The following NRXN1 variants were observed in gnomAD, a reference collection of about 807,000 sequenced individuals.
NRXN1 encodes neurexin 1, also known as neurexin-1.
NRXN1 carries 39 observed loss-of-function variants against 150.9 expected under a neutral mutation model. That is an observed-to-expected ratio of 0.26 (90% CI 0.20 to 0.34). NRXN1 has a LOEUF of 0.34. Among genes scored for constraint, NRXN1 ranks in the 10% least tolerant of loss-of-function variants. The probability of loss-of-function intolerance (pLI) is 1.00; values close to 1 mark genes in which losing one functional copy is unlikely to be tolerated. For missense variants in NRXN1, 1,815 were observed against 1,949.9 expected (o/e 0.93, Z 1.30); for synonymous variants, 924 against 757.0 (o/e 1.22, Z -3.62).
intron 2 of NRXN1, among the ~76,000 whole-genome samples, chr2:50,958,734 G>T (rs1169520207): frequency 6.6e-6 from 1 of 151,984 alleles, no homozygotes; most frequent in Non-Finnish European, 1.5e-5. Context: ...AGACAATTCT[G>T]AATGGAAGCA....
In NRXN1 at chr2:50,779,068, A is replaced by G. The variant is rs983860040; in HGVS notation, c.832+142801T>C. 5.3e-5 allele frequency among the ~76,000 whole-genome samples: 8 copies of G among 152,130 alleles called. No homozygotes were observed. In the South Asian group the frequency reaches 1.5e-3, roughly 28 times the overall value. ...ACTTTAAGTTCTGGGATACATGTGCAGAACATGCAGGTGTGTTACCTAGGC... is the reference window on the plus strand; with the variant it reads ...ACTTTAAGTTCTGGGATACATGTGCGGAACATGCAGGTGTGTTACCTAGGC... On this transcript the variant is annotated intron_variant, in intron 5 of 22. Coordinates refer to ENST00000401669, the MANE Select transcript of NRXN1 (RefSeq NM_001330078.2).
chr2:50,218,567 C>G (rs928210180), intron 18 of NRXN1, among the ~76,000 whole-genome samples: 1 of 151,562 alleles, frequency 6.6e-6, no homozygotes. Flanking sequence ...GATTATAGCC[C>G]CCTCCCCACC....
chr2:50,199,537 T>TATAC (rs1553749389), intron 18 of NRXN1, among the ~76,000 whole-genome samples: 2 of 149,328 alleles, frequency 1.3e-5, no homozygotes, highest in African/African-American at 4.9e-5. Flanking sequence ...CTCTTTCTTA[T>TATAC]ACACACACAC....
At chr2:50,286,586 T>C (rs4032053) in intron 17 of NRXN1, among the ~76,000 whole-genome samples, 1 of 152,130 alleles carries the variant, frequency 6.6e-6, no homozygotes, top group Non-Finnish European at 1.5e-5. Flanking sequence ...CAGTTAACAA[T>C]AACATCTTAA....
chr2:50,355,603 G>T (rs2153004922), intron 17 of NRXN1, among the ~76,000 whole-genome samples: 1 of 152,082 alleles, frequency 6.6e-6, no homozygotes, highest in African/African-American at 2.4e-5. Context: ...TATTCTCTCT[G>T]TAAAACTATC....
chr2:50,101,894 C>T (rs191590115), intron 18 of NRXN1, among the ~76,000 whole-genome samples: 2 of 152,078 alleles, frequency 1.3e-5, no homozygotes, highest in African/African-American at 4.8e-5. Context: ...AAGAAGAGCC[C>T]TACCTTGAAA....
chr2:50,086,565 T>A (rs1216169733), intron 19 of NRXN1, among the ~76,000 whole-genome samples: 2 of 152,184 alleles, frequency 1.3e-5, no homozygotes, highest in Non-Finnish European at 2.9e-5. Context: ...TTCCTTAAAC[T>A]TAACAGTAAT....
intron 17 of NRXN1, among the ~76,000 whole-genome samples, chr2:50,368,547 A>T (rs572538536): frequency 1.3e-3 from 193 of 152,092 alleles, no homozygotes; most frequent in African/African-American, 4.3e-3. Flanking sequence ...CATAAGACAC[A>T]CACATGAGGT....
chr2:50,495,378 GTGGTGTGTGTGTGT>G (rs1417265936), intron 15 of NRXN1, among the ~76,000 whole-genome samples: 9 of 8,584 alleles, frequency 1.0e-3, no homozygotes, highest in African/African-American at 5.2e-3. Context: ...GTGTGTGTGT[GTGGTGTGTGTGTGT>G]GTGTGTGTGT....
chr2:50,863,879 G>C (rs1676496250), intron 5 of NRXN1, among the ~76,000 whole-genome samples: 1 of 152,006 alleles, frequency 6.6e-6, no homozygotes, highest in Non-Finnish European at 1.5e-5. Context: ...CTAGACCATG[G>C]TGAGCCTATG....
At position 50,531,408 on chromosome 2, in the gene NRXN1, A is replaced by T; in HGVS notation, c.2166T>A (p.Asp722Glu). Reference protein sequence around the residue: ...CEREATVLSYDGSMFMKIQLP... With the variant: ...CEREATVLSYEGSMFMKIQLP... Reference sequence around the variant, plus strand: ...GCTGAATTTTCATAAACATGCTCCCATCATAGCTCAAAACCGTTGCCTCTA... The same window carrying T: ...GCTGAATTTTCATAAACATGCTCCCTTCATAGCTCAAAACCGTTGCCTCTA... Residue 722 changes from aspartate to glutamate, a missense_variant, in exon 11 of 23, where the codon GAT (aspartate) becomes GAA (glutamate). Around this residue, in one of 6 missense-constraint regions of NRXN1, gnomAD observed 638 missense variants for 652.6 expected, o/e 0.98. Coordinates refer to ENST00000401669, the MANE Select transcript of NRXN1 (RefSeq NM_001330078.2). 2 of 1,611,718 alleles carry T rather than the reference A, an allele frequency of 1.2e-6. No homozygotes were observed. The highest frequency in any genetic ancestry group is 1.7e-6 in the Non-Finnish European group (2 of 1,178,880).
chr2:50,951,860 T>C (rs956655480), intron 2 of NRXN1, among the ~76,000 whole-genome samples: 3 of 150,254 alleles, frequency 2.0e-5, no homozygotes, highest in Non-Finnish European at 3.0e-5. Flanking sequence ...ATAATATATG[T>C]TATATAATCT....
chr2:50,870,738 C>T (rs2106095289), intron 5 of NRXN1, among the ~76,000 whole-genome samples: 1 of 151,934 alleles, frequency 6.6e-6, no homozygotes, highest in South Asian at 2.1e-4. Flanking sequence ...AGAAGCTCCT[C>T]ACCACCCTTT....
rs77269075 is a variant in NRXN1, at chr2:50,785,101, T to C, written c.832+136768A>G. ...AAGAGACACTGGAGCTTTCTCTCTC[T>C]GAGGACATACAGAGAAAAGACCATG... On this transcript the variant is annotated intron_variant, in intron 5 of 22. Transcript: ENST00000401669. 8.2e-3 allele frequency among the ~76,000 whole-genome samples: 1,240 copies of C among 152,076 alleles called. 21 individuals carry two copies. Among genetic ancestry groups the C allele is most frequent in the African/African-American group, 0.029 (1,197 of 41,500 alleles).
chr2:51,022,890 T>C (rs536383567), intron 2 of NRXN1, among the ~76,000 whole-genome samples: 6 of 152,286 alleles, frequency 3.9e-5, no homozygotes, highest in African/African-American at 1.4e-4. Context: ...GGGTATGCTA[T>C]AAAGTGTGGC....
chr2:50,887,558 G>C (rs573688619), intron 5 of NRXN1, among the ~76,000 whole-genome samples: 2 of 151,442 alleles, frequency 1.3e-5, no homozygotes, highest in African/African-American at 4.8e-5. Context: ...AAAGTCTTTA[G>C]TGTTTAACAT....
At chr2:50,501,068 T>C (rs2091914341) in intron 13 of NRXN1, among the ~76,000 whole-genome samples, 1 of 152,052 alleles carries the variant, frequency 6.6e-6, no homozygotes. Flanking sequence ...ATGAACGAGG[T>C]ATTGTGTTGG....
chr2:50,279,773 A>G (rs1331503225), intron 17 of NRXN1, among the ~76,000 whole-genome samples: 1 of 152,214 alleles, frequency 6.6e-6, no homozygotes, highest in Non-Finnish European at 1.5e-5. Flanking sequence ...TTTTCAAATT[A>G]GTAGCGATAA....
intron 5 of NRXN1, among the ~76,000 whole-genome samples, chr2:50,653,934 T>A (rs1686005124): frequency 1.3e-5 from 2 of 151,226 alleles, no homozygotes; most frequent in Admixed American, 1.3e-4. Context: ...ACAGGTAGAA[T>A]CTCACTATGC....
Sources: gnomAD v4.1 joint callset for allele counts (sites outside exome capture counted in the v4.1 genomes callset) on GRCh38, gnomAD v4.1.1 for gene constraint, gnomAD v4.1.1 regional missense constraint, MANE v1.5 for transcripts, NCBI Gene and HGNC (gene_info 2026-07-23, HGNC 2026-07-21) for gene names.